The following CCDC198 variants were observed in gnomAD, a reference collection of about 807,000 sequenced individuals.
The protein encoded by CCDC198 is factor associated with metabolism and energy.
A neutral mutation model predicts 35.6 loss-of-function variants in CCDC198; 18 were observed. That is an observed-to-expected ratio of 0.51 (90% CI 0.35 to 0.75). The LOEUF (loss-of-function observed/expected upper bound fraction) is 0.75. Among genes scored for constraint, CCDC198 ranks in the 30% least tolerant of loss-of-function variants. The pLI, the probability that CCDC198 is intolerant of heterozygous loss-of-function variation, is 0.01. For synonymous variants in CCDC198, 119 were observed against 113.4 expected, an observed-to-expected ratio of 1.05 and a Z score of -0.31; for missense variants, 365 against 343.7, an observed-to-expected ratio of 1.06 and a Z score of -0.49.
At chr14:57,490,289 A>C (rs562207739) in intron 2 of CCDC198, among the ~76,000 whole-genome samples, 115 of 152,302 alleles carry the variant, frequency 7.6e-4, no homozygotes, top group African/African-American at 2.6e-3. Flanking sequence ...TTCTAGGTTG[A>C]GAGTTCTTAA....
At chr14:57,480,510 T>C in intron 5 of CCDC198, 85 bp downstream of exon 5, 2 of 1,482,248 alleles carry the variant, frequency 1.3e-6, no homozygotes, top group South Asian at 1.3e-5. Context: ...TGCTGTCTTC[T>C]CATCATGTCC....
At chr14:57,488,110 G>A (rs2067428296) in intron 2 of CCDC198, among the ~76,000 whole-genome samples, 2 of 152,288 alleles carry the variant, frequency 1.3e-5, no homozygotes, top group South Asian at 2.1e-4. Context: ...CTGTCCATTT[G>A]ACTGGAACTG....
Position 57,493,640 on chromosome 14 carries a change from G to C in CCDC198, c.76C>G (p.Pro26Ala). The C allele has an allele frequency of 1.2e-6, 2 of 1,613,910 alleles. No homozygotes were observed. The highest frequency in any genetic ancestry group is 1.1e-5 in the South Asian group (1 of 91,080). Residue 26 changes from proline to alanine, a missense_variant, in exon 1 of 6, where the codon CCC becomes GCC. Coordinates refer to ENST00000216445, the MANE Select transcript of CCDC198 (RefSeq NM_018168.4). ...GCAAAGTCCACACGGCCAGCCGAGG[G>C]AGTCTCTACCTCTTTGTTTTGCAAA... ...APLQNKEVET[P>A]SAGRVDFAFN...
At chr14:57,490,940 A>C in intron 2 of CCDC198, 49 bp downstream of exon 2, 1 of 1,429,738 alleles carries the variant, frequency 7.0e-7, no homozygotes, top group Non-Finnish European at 9.8e-7. Flanking sequence ...AAGGGATGTT[A>C]CCATTTTATC....
chr14:57,481,459 G>T, intron 4 of CCDC198, 100 bp downstream of exon 4: 1 of 776,870 alleles, frequency 1.3e-6, no homozygotes, highest in Non-Finnish European at 2.1e-6. Flanking sequence ...AATTTAAAAT[G>T]CTAAGTAAAG....
chr14:57,482,343 G>T (rs2067215710), intron 3 of CCDC198, among the ~76,000 whole-genome samples: 1 of 152,160 alleles, frequency 6.6e-6, no homozygotes, highest in African/African-American at 2.4e-5. Context: ...TGTGTGGATA[G>T]TGACTGTCAG....
intron 5 of CCDC198, among the ~76,000 whole-genome samples, chr14:57,473,001 G>T (rs992511590): frequency 1.3e-5 from 2 of 152,194 alleles, no homozygotes; most frequent in Admixed American, 6.5e-5. Flanking sequence ...ATCTGAAGTT[G>T]TGTATTATTA....
chr14:57,481,645 T>G lies in CCDC198; in HGVS notation c.409A>C (p.Lys137Gln). Residue 137 changes from lysine (K) to glutamine (Q), a missense_variant, in exon 4 of 6, where the codon AAA becomes CAA. Physicochemically the swap from Lys to Gln is moderately conservative, Grantham distance 53. Coordinates refer to ENST00000216445, the MANE Select transcript of CCDC198 (RefSeq NM_018168.4). ...GAAGTATACATTGGAGTTTGCATTT[T>G]CTTTTCTAGTACCTGCTATGAAAGA... is the stretch of plus-strand genomic sequence containing the variant. ...MHKAKQVLEK[K>Q]MQTPMYTSEN... The G allele has an allele frequency of 6.2e-7, 1 of 1,607,692 alleles. No individual in the cohort carries two copies. Among genetic ancestry groups the G allele is most frequent in the Non-Finnish European group, 8.5e-7 (1 of 1,175,822 alleles).
chr14:57,475,688 C>T, intron 5 of CCDC198: 1 of 387,496 alleles, frequency 2.6e-6, no homozygotes, highest in Admixed American at 3.5e-5. Context: ...GCCTGGGTAA[C>T]AGGAGCGAAA....
At chr14:57,480,976 G>A (rs2067163299) in intron 4 of CCDC198, among the ~76,000 whole-genome samples, 1 of 152,196 alleles carries the variant, frequency 6.6e-6, no homozygotes, top group African/African-American at 2.4e-5. Context: ...AAAAAGGTAT[G>A]GCTCAATTAA....
At chr14:57,475,129 C>T (rs180793706) in intron 5 of CCDC198, among the ~76,000 whole-genome samples, 1,542 of 151,746 alleles carry the variant, frequency 0.01, 28 homozygotes, top group African/African-American at 0.036. Context: ...GGCATGGTGG[C>T]GGGCGCCTGT....
In CCDC198 at chr14:57,480,765, T is replaced by C. The variant is rs771067010; in HGVS notation, c.496-11A>G. On this transcript the variant is annotated splice_polypyrimidine_tract_variant and intron_variant, in intron 4 of 5. Coordinates refer to ENST00000216445, the MANE Select transcript of CCDC198 (RefSeq NM_018168.4). ...TAACTCCATTTGGGCCTGAAAATCA[T>C]CAACTATAAATGATCAATGTTCTTC... is the stretch of plus-strand genomic sequence containing the variant. The C allele has an allele frequency of 4.3e-6, 7 of 1,613,548 alleles. No individual in the cohort carries two copies. Among genetic ancestry groups the C allele is most frequent in the Non-Finnish European group, 5.9e-6 (7 of 1,179,760 alleles).
chr14:57,478,317 G>T, intron 5 of CCDC198: 1 of 290,060 alleles, frequency 3.4e-6, no homozygotes, highest in Non-Finnish European at 5.1e-6. Context: ...GAGAGTGCAA[G>T]TCAAGAAGAC....
chr14:57,493,809 C>A lies in CCDC198; in HGVS notation c.-94G>T. 1 of 950,898 alleles carries A rather than the reference C, an allele frequency of 1.1e-6. No individual in the cohort carries two copies. Among genetic ancestry groups the A allele is most frequent in the Non-Finnish European group, 1.6e-6 (1 of 640,186 alleles). 58.9% of individuals were successfully genotyped at this position (950,898 alleles called of 1,614,324 possible). ...TTAATCAAAGCATTTCAGAAGTTTA[C>A]CCTCGCTTTACAAAGCAGTCATTTC... On this transcript the variant is annotated 5_prime_UTR_variant, in exon 1 of 6. Transcript: ENST00000216445.
At chr14:57,473,357 T>A (rs2066879559) in intron 5 of CCDC198, among the ~76,000 whole-genome samples, 1 of 152,220 alleles carries the variant, frequency 6.6e-6, no homozygotes, top group Non-Finnish European at 1.5e-5. Context: ...TTGGCAATAA[T>A]GCAGCCCTAC....
chr14:57,478,310 A>G lies in CCDC198; in HGVS notation c.655+2285T>C, dbSNP rs560417917. The G allele has an allele frequency of 2.5e-5, 6 of 240,824 alleles. No individual in the cohort carries two copies. In the Admixed American group the frequency reaches 3.9e-4, roughly 16 times the overall value. The allele number at this position is 240,824 out of a possible 1,614,324, so 14.9% of individuals were successfully genotyped here. On this transcript the variant is annotated intron_variant, in intron 5 of 5. Transcript: ENST00000216445. Reference sequence around the variant, plus strand: ...TGGTGTCCTGGTGGGGCTGTGTGAGAGTGCAAGTCAAGAAGACCTGACCTT... The same window carrying G: ...TGGTGTCCTGGTGGGGCTGTGTGAGGGTGCAAGTCAAGAAGACCTGACCTT...
chr14:57,493,227 C>T (rs1236714153), intron 1 of CCDC198, among the ~76,000 whole-genome samples: 1 of 152,246 alleles, frequency 6.6e-6, no homozygotes, highest in East Asian at 1.9e-4. Context: ...GCATTACAAA[C>T]TGAGCTGAAA....
intron 5 of CCDC198, among the ~76,000 whole-genome samples, chr14:57,472,331 A>T (rs1477210914): frequency 6.6e-6 from 1 of 151,472 alleles, no homozygotes; most frequent in East Asian, 1.9e-4. Context: ...TTCCATCTTC[A>T]TTGTCTTTTT....
At chr14:57,490,850 T>C in intron 2 of CCDC198, 139 bp downstream of exon 2, 3 of 828,474 alleles carry the variant, frequency 3.6e-6, no homozygotes, top group Non-Finnish European at 5.5e-6. Context: ...TATTTGCGAT[T>C]GATGACATTT....
Sources: gnomAD v4.1 joint callset for allele counts (sites outside exome capture counted in the v4.1 genomes callset) on GRCh38, gnomAD v4.1.1 for gene constraint, MANE v1.5 for transcripts, NCBI Gene and HGNC (gene_info 2026-07-23, HGNC 2026-07-21) for gene names.